The following TANGO6 variants were observed in gnomAD, a reference collection of about 807,000 sequenced individuals.
TANGO6 encodes the protein transport and golgi organization 6 homolog, also known as transport and Golgi organization protein 6 homolog.
A neutral mutation model predicts 114.2 loss-of-function variants in TANGO6; 90 were observed. That is an observed-to-expected ratio of 0.79 (90% CI 0.66 to 0.94). TANGO6 has a LOEUF of 0.94. Among genes scored for constraint, TANGO6 ranks in the 40% least tolerant of loss-of-function variants. TANGO6 has a pLI of 0.00. For missense variants in TANGO6, 1,274 were observed against 1,315.3 expected (o/e 0.97, Z 0.49); for synonymous variants, 477 against 509.8 (o/e 0.94, Z 0.87).
At chr16:68,974,877 G>A (rs1164128266) in intron 15 of TANGO6, among the ~76,000 whole-genome samples, 1 of 152,032 alleles carries the variant, frequency 6.6e-6, no homozygotes, top group Non-Finnish European at 1.5e-5. Flanking sequence ...TCCAGCCTGG[G>A]TAACATGGCA....
chr16:69,031,362 C>T (rs1245246680), intron 16 of TANGO6, among the ~76,000 whole-genome samples: 1 of 151,908 alleles, frequency 6.6e-6, no homozygotes, highest in Non-Finnish European at 1.5e-5. Flanking sequence ...GAATGAAGAG[C>T]AGAGAAGGAT....
chr16:68,914,227 T>C (rs1482135515), intron 11 of TANGO6, among the ~76,000 whole-genome samples: 2 of 152,226 alleles, frequency 1.3e-5, no homozygotes, highest in East Asian at 3.8e-4. Flanking sequence ...AATGGCGTGA[T>C]CTCGGCTTAC....
At chr16:69,081,460 C>G (rs1431715996) in intron 17 of TANGO6, among the ~76,000 whole-genome samples, 1 of 151,556 alleles carries the variant, frequency 6.6e-6, no homozygotes, top group Non-Finnish European at 1.5e-5. Flanking sequence ...ACTGCAACCT[C>G]CGCCTCCCCA....
intron 15 of TANGO6, among the ~76,000 whole-genome samples, chr16:68,997,898 G>T (rs993702173): frequency 6.6e-6 from 1 of 152,190 alleles, no homozygotes; most frequent in Non-Finnish European, 1.5e-5. Context: ...CAGGGGCAAT[G>T]ATATTCTTAC....
chr16:69,051,894 G>A (rs1205401926), intron 17 of TANGO6, among the ~76,000 whole-genome samples: 1 of 150,582 alleles, frequency 6.6e-6, no homozygotes, highest in Non-Finnish European at 1.5e-5. Flanking sequence ...CAGATGGTAT[G>A]CTTATACTGC....
intron 3 of TANGO6, among the ~76,000 whole-genome samples, chr16:68,864,003 T>C (rs986760474): frequency 1.3e-5 from 2 of 151,822 alleles, no homozygotes; most frequent in Non-Finnish European, 2.9e-5. Context: ...GGAGAAACCC[T>C]GTCTCTACGA....
At chr16:68,930,714 C>T (rs1411756389) in intron 14 of TANGO6, among the ~76,000 whole-genome samples, 1 of 150,614 alleles carries the variant, frequency 6.6e-6, no homozygotes, top group African/African-American at 2.5e-5. Context: ...CAGCTCACTG[C>T]AACCTCTGCC....
chr16:69,081,864 CACTCT>C (rs1960469963), intron 17 of TANGO6, among the ~76,000 whole-genome samples: 1 of 150,098 alleles, frequency 6.7e-6, no homozygotes, highest in African/African-American at 2.5e-5. Context: ...GAGTCTCACT[CACTCT>C]GTTGCCCAGG....
chr16:68,849,564 A>G (rs1045411396), intron 1 of TANGO6, among the ~76,000 whole-genome samples: 3 of 151,900 alleles, frequency 2.0e-5, no homozygotes, highest in African/African-American at 7.3e-5. Context: ...GGAGGCTAAG[A>G]TAGGAGGGTC....
chr16:68,894,529 C>T (rs1020846038), intron 7 of TANGO6, among the ~76,000 whole-genome samples: 2 of 151,992 alleles, frequency 1.3e-5, no homozygotes, highest in Non-Finnish European at 2.9e-5. Context: ...GACACTTCAG[C>T]TCCAGCTTGC....
At chr16:68,995,142 A>T (rs1331922670) in intron 15 of TANGO6, among the ~76,000 whole-genome samples, 8 of 152,172 alleles carry the variant, frequency 5.3e-5, no homozygotes, top group Non-Finnish European at 1.2e-4. Context: ...CTATTTACTT[A>T]TAATTTGCAT....
At position 68,919,197 on chromosome 16, in the gene TANGO6, T is replaced by A; in HGVS notation, c.2105T>A (p.Val702Asp). 1 of 1,612,834 alleles carries A rather than the reference T, an allele frequency of 6.2e-7. No homozygotes were observed. Among genetic ancestry groups the A allele is most frequent in the Non-Finnish European group, 8.5e-7 (1 of 1,179,556 alleles). ...TLSMSMGLVAVMLGGAVQLKS... is the reference protein window; with the variant it reads ...TLSMSMGLVADMLGGAVQLKS... ...AGCATGTCCATGGGGCTGGTGGCTG[T>A]CATGCTAGGAGGAGCTGTTCAGGTG... Residue 702 changes from valine to aspartate, a missense_variant, in exon 12 of 18, where the codon GTC (valine) becomes GAC (aspartate). Transcript: ENST00000261778.
At chr16:68,953,549 A>C (rs1431578695) in intron 14 of TANGO6, among the ~76,000 whole-genome samples, 1 of 152,110 alleles carries the variant, frequency 6.6e-6, no homozygotes, top group Non-Finnish European at 1.5e-5. Flanking sequence ...CTCTAAATAA[A>C]AGGTACATGG....
intron 15 of TANGO6, among the ~76,000 whole-genome samples, chr16:69,011,795 C>G (rs1318053820): frequency 6.6e-6 from 1 of 152,208 alleles, no homozygotes; most frequent in Non-Finnish European, 1.5e-5. Context: ...CAGATCCTTT[C>G]TGGAAGAAGA....
At chr16:68,880,894 T>C (rs558867689) in intron 7 of TANGO6, among the ~76,000 whole-genome samples, 95 of 152,238 alleles carry the variant, frequency 6.2e-4, no homozygotes, top group Middle Eastern at 6.8e-3. Context: ...CTCCAAGCTG[T>C]CTGGTTTTCA....
intron 14 of TANGO6, among the ~76,000 whole-genome samples, chr16:68,965,373 C>G (rs1212554497): frequency 3.9e-5 from 6 of 152,028 alleles, no homozygotes; most frequent in Admixed American, 2.0e-4. Flanking sequence ...ATTCATTTTC[C>G]CCCTCTTTCT....
chr16:68,866,311 G>C (rs924721787), intron 3 of TANGO6, among the ~76,000 whole-genome samples: 8 of 151,688 alleles, frequency 5.3e-5, no homozygotes, highest in African/African-American at 1.9e-4. Flanking sequence ...TTAATTGTCA[G>C]TATGACTCAG....
intron 14 of TANGO6, among the ~76,000 whole-genome samples, chr16:68,948,721 G>A (rs1016673995): frequency 2.6e-5 from 4 of 152,166 alleles, no homozygotes; most frequent in African/African-American, 9.7e-5. Context: ...TGTGTCAAGT[G>A]TTAATTTTTA....
intron 17 of TANGO6, among the ~76,000 whole-genome samples, chr16:69,048,258 A>ATTTTTTTTTTTT (rs71383949): frequency 9.0e-6 from 1 of 111,664 alleles, no homozygotes; most frequent in South Asian, 2.8e-4. Context: ...AATTTTTTGT[A>ATTTTTTTTTTTT]TTTTTTTTTT....
Sources: allele counts gnomAD v4.1 joint callset (sites outside exome capture counted in the v4.1 genomes callset), GRCh38; gene constraint gnomAD v4.1.1; transcripts MANE v1.5; gene names NCBI Gene and HGNC (gene_info 2026-07-23, HGNC 2026-07-21).